The following AP1S3 variants were observed in gnomAD, a reference collection of about 807,000 sequenced individuals.
AP1S3 encodes adaptor related protein complex 1 subunit sigma 3.
AP1S3 carries 10 observed loss-of-function variants against 20.9 expected under a neutral mutation model. The ratio of observed to expected loss-of-function variants is 0.48; its 90% confidence interval spans 0.29 to 0.81. AP1S3 has a LOEUF of 0.81. Among genes scored for constraint, AP1S3 ranks in the 30% least tolerant of loss-of-function variants. The pLI, the probability that AP1S3 is intolerant of heterozygous loss-of-function variation, is 0.08. For missense variants in AP1S3, 154 were observed against 183.8 expected, an observed-to-expected ratio of 0.84 and a Z score of 0.94; for synonymous variants, 41 against 61.5, an observed-to-expected ratio of 0.67 and a Z score of 1.56.
At chr2:223,833,904 T>G (rs1692337624) in intron 1 of AP1S3, among the ~76,000 whole-genome samples, 1 of 151,504 alleles carries the variant, frequency 6.6e-6, no homozygotes, top group East Asian at 1.9e-4. Context: ...ATTTATTTAT[T>G]TATTTATTTA....
chr2:223,799,033 T>A (rs1691409983), intron 1 of AP1S3, among the ~76,000 whole-genome samples: 1 of 152,146 alleles, frequency 6.6e-6, no homozygotes, highest in Non-Finnish European at 1.5e-5. Flanking sequence ...ATTGCGCCAC[T>A]GCACTCCAGC....
At chr2:223,780,351 A>AGTGTGTGTGT (rs1416516684) in intron 1 of AP1S3, among the ~76,000 whole-genome samples, 29 of 62,198 alleles carry the variant, frequency 4.7e-4, no homozygotes, top group African/African-American at 6.0e-4. Context: ...AGAGAGAGAG[A>AGTGTGTGTGT]GAGAGAGTGT....
chr2:223,801,494 A>G (rs1411396121), intron 1 of AP1S3, among the ~76,000 whole-genome samples: 2 of 152,076 alleles, frequency 1.3e-5, no homozygotes, highest in African/African-American at 4.8e-5. Context: ...GCCTCACTCT[A>G]TTGTCCAGGC....
At chr2:223,809,186 C>T (rs146722992) in intron 1 of AP1S3, among the ~76,000 whole-genome samples, 121 of 152,344 alleles carry the variant, frequency 7.9e-4, no homozygotes, top group Middle Eastern at 3.4e-3. Flanking sequence ...CTCACCATGG[C>T]CTGCAAGGCC....
In AP1S3 at chr2:223,756,209, T is replaced by C. The variant is rs1258810034; in HGVS notation, c.*2506A>G. The C allele has an allele frequency of 1.2e-5, 3 of 240,582 alleles. No individual in the cohort carries two copies. The highest frequency in any genetic ancestry group is 6.5e-5 in the Admixed American group (1 of 15,336). The allele number at this position is 240,582 out of a possible 1,614,324, so 14.9% of individuals were successfully genotyped here. On this transcript the variant is annotated 3_prime_UTR_variant, in exon 5 of 5. Coordinates refer to ENST00000396654, the MANE Select transcript of AP1S3 (RefSeq NM_001039569.2). ...AAAATTAGCCAGGCGTGGTGGCGCA[T>C]GCCTATAATCCCAGCTACTCGGGAG...
intron 1 of AP1S3, 85 bp downstream of exon 1, chr2:223,837,363 G>T: frequency 2.6e-6 from 2 of 764,930 alleles, no homozygotes; most frequent in Non-Finnish European, 1.8e-6. Flanking sequence ...ACCCGGCCGC[G>T]CGCCCGGCCC....
At chr2:223,824,622 C>T (rs182984975) in intron 1 of AP1S3, among the ~76,000 whole-genome samples, 6 of 152,258 alleles carry the variant, frequency 3.9e-5, no homozygotes, top group Non-Finnish European at 7.4e-5. Context: ...ATTGTAACCT[C>T]CCCCTCCCAG....
At position 223,756,443 on chromosome 2, in the gene AP1S3, GGAAGGAAAAGA is replaced by G. The variant is rs1559271046; in HGVS notation, c.*2261_*2271del. ...AGAGAGAGAAGAAGGAAGGAAGAAA[GGAAGGAAAAGA>G]AAGAAAGAAAGAAAAGAAAGAAAGA... On this transcript the variant is annotated 3_prime_UTR_variant, in exon 5 of 5. Transcript: ENST00000396654. The G allele has an allele frequency of 1.3e-6, 1 of 779,448 alleles. No individual in the cohort carries two copies. The highest frequency in any genetic ancestry group is 1.5e-6 in the Non-Finnish European group (1 of 675,128). The allele number at this position is 779,448 out of a possible 1,614,324, so 48.3% of individuals were successfully genotyped here. A position where few individuals can be genotyped will look rare whatever the true frequency, so the allele number is the denominator to read the frequency against.
In AP1S3 at chr2:223,777,702, A is replaced by C. The variant is rs765411338; in HGVS notation, c.171T>G (p.Leu57=). 1 of 1,612,064 alleles carries C rather than the reference A, an allele frequency of 6.2e-7. No homozygotes were observed. The highest frequency in any genetic ancestry group is 8.5e-7 in the Non-Finnish European group (1 of 1,179,512). ...SSFVDWKELK[L]VYKRYASLYF... is the part of the protein sequence containing the mutation. ...AAAGTTACTCACACCTTTTATAAACAAGTTTTAGCTCCTTCCAGTCAACAA... is the reference window on the plus strand; with the variant it reads ...AAAGTTACTCACACCTTTTATAAACCAGTTTTAGCTCCTTCCAGTCAACAA... Residue 57 remains leucine (L), a synonymous_variant, in exon 2 of 5, where the codon CTT becomes CTG. Transcript: ENST00000396654.
At chr2:223,833,763 T>C (rs539290605) in intron 1 of AP1S3, among the ~76,000 whole-genome samples, 1 of 152,312 alleles carries the variant, frequency 6.6e-6, no homozygotes, top group East Asian at 1.9e-4. Context: ...GGAGAGGTGA[T>C]GGTTACTGAG....
chr2:223,827,883 A>C (rs1401477156), intron 1 of AP1S3, among the ~76,000 whole-genome samples: 2 of 151,664 alleles, frequency 1.3e-5, no homozygotes, highest in African/African-American at 2.4e-5. Context: ...AACATGGTGA[A>C]ATCACGTCCT....
chr2:223,785,300 C>T (rs868539595), intron 1 of AP1S3, among the ~76,000 whole-genome samples: 1 of 152,146 alleles, frequency 6.6e-6, no homozygotes. Flanking sequence ...CAAGATCACA[C>T]CATTGCACTC....
intron 1 of AP1S3, among the ~76,000 whole-genome samples, chr2:223,778,879 A>G (rs1196052368): frequency 6.6e-6 from 1 of 152,088 alleles, no homozygotes; most frequent in East Asian, 1.9e-4. Flanking sequence ...CTGTGTTTTT[A>G]GTAAAGACAG....
Position 223,755,884 on chromosome 2 carries a change from C to A in AP1S3, c.*2831G>T, listed in dbSNP as rs1002641526. 2.0e-6 allele frequency: 2 copies of A among 985,268 alleles called. No individual in the cohort carries two copies. Among genetic ancestry groups the A allele is most frequent in the African/African-American group, 1.7e-5 (1 of 57,228 alleles). 61.0% of individuals were successfully genotyped at this position (985,268 alleles called of 1,614,324 possible). On this transcript the variant is annotated 3_prime_UTR_variant, in exon 5 of 5. Transcript: ENST00000396654. The stretch of plus-strand genomic sequence containing the variant: ...TGATTGAAGTCTGAGAAGCCCTGTC[C>A]ATAACTAAAGTGTCTAATATGGAAT...
intron 1 of AP1S3, among the ~76,000 whole-genome samples, chr2:223,796,335 G>A (rs1254260507): frequency 6.6e-6 from 1 of 152,126 alleles, no homozygotes; most frequent in African/African-American, 2.4e-5. Context: ...TCCATGTTCT[G>A]ATGGGAAGAG....
chr2:223,837,380 C>T, intron 1 of AP1S3, 68 bp downstream of exon 1: 6 of 993,148 alleles, frequency 6.0e-6, no homozygotes, highest in Non-Finnish European at 7.8e-6. Flanking sequence ...GCCCGGACGC[C>T]CCAGGTGCCT....
chr2:223,816,648 G>A (rs1205216618), intron 1 of AP1S3, among the ~76,000 whole-genome samples: 2 of 152,192 alleles, frequency 1.3e-5, no homozygotes, highest in Non-Finnish European at 2.9e-5. Context: ...GGTTGTCCCA[G>A]CATCCATGCC....
rs1321121485 is a variant in AP1S3, at chr2:223,817,848, C to CT, written c.3+19599_3+19600insA. On this transcript the variant is annotated intron_variant, in intron 1 of 4. Transcript: ENST00000396654. ...GATCATCATCTAACTTCCCAGGAGA[C>CT]CTTTTTCCAAAAAAAGACAAATATG... is the stretch of plus-strand genomic sequence containing the variant. Among the ~76,000 whole-genome samples, 200 of 151,886 alleles carry CT rather than the reference C, an allele frequency of 1.3e-3. 2 individuals carry two copies. The highest frequency in any genetic ancestry group is 4.7e-3 in the African/African-American group (192 of 41,222).
chr2:223,798,090 C>T (rs981709341), intron 1 of AP1S3, among the ~76,000 whole-genome samples: 6 of 152,136 alleles, frequency 3.9e-5, no homozygotes, highest in Non-Finnish European at 5.9e-5. Flanking sequence ...CATCAAATGT[C>T]ATAGGTTTTT....
Sources: gnomAD v4.1 joint callset for allele counts (sites outside exome capture counted in the v4.1 genomes callset) on GRCh38, gnomAD v4.1.1 for gene constraint, MANE v1.5 for transcripts, NCBI Gene and HGNC (gene_info 2026-07-23, HGNC 2026-07-21) for gene names.